PCDHA2: variants seen among roughly 807,000 people sequenced by gnomAD.
The protein encoded by PCDHA2 is protocadherin alpha 2, also known as protocadherin alpha-2.
A neutral mutation model predicts 66.0 loss-of-function variants in PCDHA2; 58 were observed. The observed-to-expected ratio is 0.88, with a 90% CI of 0.71 to 1.09. PCDHA2 has a LOEUF of 1.09. Ranked by LOEUF, PCDHA2 falls within the 50% of genes least tolerant of loss-of-function variation. The pLI is 0.00. For missense variants in PCDHA2, 1,267 were observed against 1,242.3 expected, an observed-to-expected ratio of 1.02 and a Z score of -0.30; for synonymous variants, 634 against 554.0, an observed-to-expected ratio of 1.14 and a Z score of -2.03.
chr5:140,829,779 C>T (rs782207845), intron 1 of PCDHA2: 10 of 1,613,790 alleles, frequency 6.2e-6, no homozygotes, highest in Non-Finnish European at 6.8e-6. Context: ...GACAACGCGC[C>T]GGCGCTGCTG....
At chr5:140,876,918 G>A (rs2056694252) in intron 1 of PCDHA2, 4 of 1,613,936 alleles carry the variant, frequency 2.5e-6, no homozygotes, top group East Asian at 2.2e-5. Context: ...CATGGGACGC[G>A]GACGCGCAGA....
At chr5:140,925,219 AG>A (rs1324328907) in intron 1 of PCDHA2, among the ~76,000 whole-genome samples, 1 of 152,238 alleles carries the variant, frequency 6.6e-6, no homozygotes, top group Admixed American at 6.5e-5. Context: ...ACTTTTAGGC[AG>A]GTTTCTACCA....
At chr5:140,863,049 G>A (rs781969311) in intron 1 of PCDHA2, 1 of 561,608 alleles carries the variant, frequency 1.8e-6, no homozygotes, top group Non-Finnish European at 3.5e-6. Flanking sequence ...TCAGCTGGCA[G>A]CACCCGTTCC....
At chr5:140,841,702 T>C in intron 1 of PCDHA2, 2 of 1,613,896 alleles carry the variant, frequency 1.2e-6, no homozygotes, top group African/African-American at 1.3e-5. Context: ...AGGATGTTAA[T>C]GACAACCCGC....
At chr5:140,875,278 T>A in intron 1 of PCDHA2, 1 of 1,326,774 alleles carries the variant, frequency 7.5e-7, no homozygotes, top group Non-Finnish European at 9.9e-7. Context: ...ACTCAGAAGG[T>A]GAAACAGGAA....
chr5:140,882,769 A>C, intron 1 of PCDHA2: 1 of 1,614,242 alleles, frequency 6.2e-7, no homozygotes, highest in Admixed American at 1.7e-5. Context: ...TAAACTCGGC[A>C]TTGACCTACC....
intron 1 of PCDHA2, among the ~76,000 whole-genome samples, chr5:140,931,051 G>A (rs1460771235): frequency 6.6e-6 from 1 of 152,134 alleles, no homozygotes; most frequent in African/African-American, 2.4e-5. Flanking sequence ...AAACTTCAAT[G>A]CTGTGTCTGG....
intron 1 of PCDHA2, among the ~76,000 whole-genome samples, chr5:140,886,846 AAG>A (rs1345370045): frequency 2.0e-5 from 3 of 151,444 alleles, no homozygotes; most frequent in Admixed American, 6.6e-5. Context: ...AAAAAAAAAA[AAG>A]AAAGGTCTTC....
At chr5:140,806,557 T>C (rs1467853347) in intron 1 of PCDHA2, among the ~76,000 whole-genome samples, 1 of 152,194 alleles carries the variant, frequency 6.6e-6, no homozygotes, top group Non-Finnish European at 1.5e-5. Context: ...TCTGCAAATT[T>C]CCCTGTCAAT....
At chr5:140,840,168 T>C (rs1776589979) in intron 1 of PCDHA2, among the ~76,000 whole-genome samples, 2 of 151,992 alleles carry the variant, frequency 1.3e-5, no homozygotes, top group African/African-American at 2.4e-5. Flanking sequence ...ATGGGATGTA[T>C]ACAAATTTTA....
At chr5:140,870,295 T>G (rs1037957284) in intron 1 of PCDHA2, 1 of 1,614,054 alleles carries the variant, frequency 6.2e-7, no homozygotes, top group Non-Finnish European at 8.5e-7. Context: ...CAAGCTGGTG[T>G]CCACCTTCAA....
chr5:140,852,890 T>G (rs1315995547), intron 1 of PCDHA2: 3 of 912,634 alleles, frequency 3.3e-6, no homozygotes, highest in East Asian at 2.3e-4. Context: ...AACGTATTTT[T>G]TTTTTTGAGT....
At chr5:140,943,974 T>G (rs1356208474) in intron 1 of PCDHA2, among the ~76,000 whole-genome samples, 2 of 152,022 alleles carry the variant, frequency 1.3e-5, no homozygotes, top group African/African-American at 4.8e-5. Flanking sequence ...TTAAAGTAAT[T>G]AAGAAAACAG....
intron 1 of PCDHA2, chr5:140,875,640 G>A (rs782266115): frequency 2.5e-6 from 4 of 1,613,688 alleles, no homozygotes; most frequent in Non-Finnish European, 3.4e-6. Context: ...GGCTGGAGCT[G>A]GCGGAGCTGG....
intron 1 of PCDHA2, chr5:140,850,299 G>T (rs1554144160): frequency 6.3e-7 from 1 of 1,596,494 alleles, no homozygotes; most frequent in African/African-American, 1.3e-5. Context: ...CGCCGACTCG[G>T]GCTACAACGC....
intron 1 of PCDHA2, chr5:140,823,401 G>GT: frequency 1.2e-6 from 2 of 1,613,022 alleles, no homozygotes; most frequent in Non-Finnish European, 1.7e-6. Flanking sequence ...CGGGCGTGCC[G>GT]CCTCTGGGCA....
chr5:140,977,630 C>T (rs2096769145), intron 1 of PCDHA2, among the ~76,000 whole-genome samples: 1 of 152,148 alleles, frequency 6.6e-6, no homozygotes, highest in African/African-American at 2.4e-5. Flanking sequence ...AGAGTTGTAA[C>T]TTTTTCTGGG....
At position 140,845,521 on chromosome 5, in the gene PCDHA2, A is replaced by G. The variant is rs1275261867; in HGVS notation, c.2388+48169A>G. Among the ~76,000 whole-genome samples, 5 of 149,702 alleles carry G rather than the reference A, an allele frequency of 3.3e-5. No homozygotes were observed. In the East Asian group the frequency reaches 9.7e-4, roughly 29 times the overall value. ...GTCTAAACCTATTTCTTGTACATTA[A>G]TACTTTTCACTATTCTAATTATGGT... On this transcript the variant is annotated intron_variant, in intron 1 of 3. Transcript: ENST00000526136.
At chr5:140,848,355 C>A in intron 1 of PCDHA2, 1 of 1,031,242 alleles carries the variant, frequency 9.7e-7, no homozygotes, top group Non-Finnish European at 1.4e-6. Context: ...GCCCTTTTCC[C>A]ATGGGAAAGA....
Sources: gnomAD v4.1 joint callset for allele counts (sites outside exome capture counted in the v4.1 genomes callset) on GRCh38, gnomAD v4.1.1 for gene constraint, MANE v1.5 for transcripts, NCBI Gene and HGNC (gene_info 2026-07-23, HGNC 2026-07-21) for gene names.